TTC28: variants seen among roughly 807,000 people sequenced by gnomAD.
TTC28 encodes tetratricopeptide repeat protein 28.
TTC28 carries 61 observed loss-of-function variants against 198.0 expected under a neutral mutation model. That is an observed-to-expected ratio of 0.31 (90% CI 0.25 to 0.38). TTC28 has a LOEUF of 0.38. TTC28 is among the 10% of genes least tolerant of loss of function. TTC28 has a pLI of 1.00. For synonymous variants in TTC28, 1,171 were observed against 1,297.8 expected (o/e 0.90, Z 2.10); for missense variants, 2,678 against 3,164.0 (o/e 0.85, Z 3.69).
At chr22:28,618,464 C>T (rs896865908) in intron 2 of TTC28, among the ~76,000 whole-genome samples, 1 of 151,890 alleles carries the variant, frequency 6.6e-6, no homozygotes, top group Non-Finnish European at 1.5e-5. Flanking sequence ...GGTGGATCAC[C>T]TGAGGTTAGG....
In TTC28 at chr22:27,981,230, ATTTTTTTTTTTTTTTTTTTTTT is replaced by A. The variant is rs138635; in HGVS notation, c.*969_*990del. Reference sequence around the variant, plus strand: ...TGGTTAAATCTAGTTAGCCATGGAAATTTTTTTTTTTTTTTTTTTTTTTTTTTTTTTTTTTTTGCTTATAAGG... The same window carrying A: ...TGGTTAAATCTAGTTAGCCATGGAAATTTTTTTTTTTTTTTGCTTATAAGG... On this transcript the variant is annotated 3_prime_UTR_variant, in exon 23 of 23. Coordinates refer to ENST00000397906, the MANE Select transcript of TTC28 (RefSeq NM_001145418.2). 2.5e-4 allele frequency: 12 copies of A among 48,176 alleles called. 1 individual carries two copies. Among genetic ancestry groups the A allele is most frequent in the Admixed American group, 3.7e-4 (1 of 2,728 alleles). 3.0% of individuals were successfully genotyped at this position (48,176 alleles called of 1,614,324 possible).
intron 13 of TTC28, among the ~76,000 whole-genome samples, chr22:28,025,237 G>A (rs551487994): frequency 7.9e-5 from 12 of 152,282 alleles, no homozygotes; most frequent in Admixed American, 5.9e-4. Flanking sequence ...CTTTGGTGCC[G>A]TAGAAACCTC....
rs55694132 is a variant in TTC28, at chr22:28,591,008, AAC to A, written c.381+38542_381+38543del. Reference sequence around the variant, plus strand: ...GCGACAAGAGAGAAACTCTGCCTCAAACACACACACACACACACACACACACA... The same window carrying A: ...GCGACAAGAGAGAAACTCTGCCTCAAACACACACACACACACACACACACA... On this transcript the variant is annotated intron_variant, in intron 2 of 22. Transcript: ENST00000397906. 6.6e-3 allele frequency among the ~76,000 whole-genome samples: 365 copies of A among 54,948 alleles called. 3 individuals are homozygous for A. Among genetic ancestry groups the A allele is most frequent in the African/African-American group, 7.6e-3 (111 of 14,568 alleles). The allele number at this position is 54,948 out of a possible 152,430, so 36.0% of individuals were successfully genotyped here.
intron 2 of TTC28, among the ~76,000 whole-genome samples, chr22:28,563,546 T>C (rs1385482115): frequency 2.0e-5 from 3 of 152,162 alleles, no homozygotes; most frequent in Non-Finnish European, 2.9e-5. Flanking sequence ...CATGAAATGA[T>C]GTTCAACATC....
intron 2 of TTC28, among the ~76,000 whole-genome samples, chr22:28,426,005 G>A (rs1451013417): frequency 6.6e-6 from 1 of 152,156 alleles, no homozygotes; most frequent in Non-Finnish European, 1.5e-5. Context: ...GAGGTCAGGA[G>A]TTCAAGACCA....
At chr22:28,556,554 G>C (rs767728803) in intron 2 of TTC28, among the ~76,000 whole-genome samples, 2 of 152,110 alleles carry the variant, frequency 1.3e-5, no homozygotes, top group African/African-American at 2.4e-5. Context: ...TTACTTTTAA[G>C]ATTTTTCTCA....
chr22:28,167,786 C>T (rs1401884557), intron 5 of TTC28, among the ~76,000 whole-genome samples: 3 of 152,144 alleles, frequency 2.0e-5, no homozygotes, highest in African/African-American at 7.2e-5. Flanking sequence ...TCTCTCACCA[C>T]TCCTATTCAA....
intron 2 of TTC28, among the ~76,000 whole-genome samples, chr22:28,410,068 T>C (rs1042438331): frequency 4.6e-5 from 7 of 151,980 alleles, no homozygotes; most frequent in African/African-American, 1.7e-4. Context: ...ACTGCAGGCA[T>C]GTACCATCAC....
chr22:28,578,733 G>A (rs2050187543), intron 2 of TTC28, among the ~76,000 whole-genome samples: 1 of 152,140 alleles, frequency 6.6e-6, no homozygotes, highest in South Asian at 2.1e-4. Context: ...GAGAAAATGT[G>A]TTTTGGGGGA....
chr22:27,998,474 A>G, intron 16 of TTC28, 66 bp downstream of exon 16: 1 of 1,486,692 alleles, frequency 6.7e-7, no homozygotes, highest in Non-Finnish European at 9.0e-7. Context: ...GGCAGAATAA[A>G]GTCGGGGGGC....
intron 2 of TTC28, among the ~76,000 whole-genome samples, chr22:28,594,663 G>A (rs2050506340): frequency 6.6e-6 from 1 of 152,114 alleles, no homozygotes; most frequent in South Asian, 2.1e-4. Context: ...GCTCCTATGT[G>A]TATAACAATC....
intron 12 of TTC28, among the ~76,000 whole-genome samples, chr22:28,033,125 T>C (rs1265435217): frequency 1.3e-5 from 2 of 152,168 alleles, no homozygotes; most frequent in Non-Finnish European, 2.9e-5. Flanking sequence ...CTGGGACCGG[T>C]ATCAGCCTCC....
chr22:28,375,008 A>G lies in TTC28; in HGVS notation c.382-68365T>C, dbSNP rs530014173. Among the ~76,000 whole-genome samples the G allele has an allele frequency of 7.9e-5, 12 of 151,976 alleles. 1 individual carries two copies. Among genetic ancestry groups the G allele is most frequent in the African/African-American group, 2.9e-4 (12 of 41,446 alleles). ...CAGGCTGAGGCGGGAGGATCGCCTG[A>G]GCCCAAGACTTCCAGGATGTAGTGA... On this transcript the variant is annotated intron_variant, in intron 2 of 22. Coordinates refer to ENST00000397906, the MANE Select transcript of TTC28 (RefSeq NM_001145418.2).
intron 11 of TTC28, among the ~76,000 whole-genome samples, chr22:28,095,575 T>A (rs987753233): frequency 6.6e-6 from 1 of 152,204 alleles, no homozygotes; most frequent in African/African-American, 2.4e-5. Flanking sequence ...ATCAGCATTT[T>A]ATTATGCAAA....
intron 2 of TTC28, among the ~76,000 whole-genome samples, chr22:28,312,302 C>T (rs1331096318): frequency 6.6e-6 from 1 of 151,762 alleles, no homozygotes; most frequent in Non-Finnish European, 1.5e-5. Context: ...ATTAGAGCAA[C>T]GAGACAGAAA....
intron 2 of TTC28, among the ~76,000 whole-genome samples, chr22:28,433,662 C>G (rs564441923): frequency 3.9e-4 from 59 of 152,176 alleles, no homozygotes; most frequent in African/African-American, 1.4e-3. Flanking sequence ...ATGTATTAAT[C>G]ACATGGGTTC....
At chr22:28,214,715 A>G (rs190309154) in intron 5 of TTC28, among the ~76,000 whole-genome samples, 7 of 152,354 alleles carry the variant, frequency 4.6e-5, no homozygotes, top group Admixed American at 6.5e-5. Flanking sequence ...ATTTTGGAAG[A>G]CAGTGTGGTG....
intron 5 of TTC28, among the ~76,000 whole-genome samples, chr22:28,262,517 T>C (rs1569227741): frequency 6.6e-6 from 1 of 152,136 alleles, no homozygotes. Context: ...CTCAAGTAAG[T>C]TTCCTATGTC....
chr22:28,268,758 T>C (rs1931846032), intron 5 of TTC28, among the ~76,000 whole-genome samples: 3 of 152,190 alleles, frequency 2.0e-5, no homozygotes, highest in African/African-American at 7.2e-5. Context: ...TTGTTCCTCA[T>C]CTAGACATCT....
Sources: gnomAD v4.1 joint callset for allele counts (sites outside exome capture counted in the v4.1 genomes callset) on GRCh38, gnomAD v4.1.1 for gene constraint, MANE v1.5 for transcripts, NCBI Gene and HGNC (gene_info 2026-07-23, HGNC 2026-07-21) for gene names.